Variants in SLCO1C1 observed in about 807,000 individuals in gnomAD.
SLCO1C1 encodes the protein OAT-RP-5.
SLCO1C1 carries 70 observed loss-of-function variants against 76.4 expected under a neutral mutation model. The observed-to-expected ratio is 0.92, with a 90% confidence interval of 0.76 to 1.12. The LOEUF is 1.12. Among genes scored for constraint, SLCO1C1 ranks in the 50% most tolerant of loss-of-function variants. SLCO1C1 has a pLI of 0.00. For synonymous variants in SLCO1C1, 306 were observed against 286.1 expected, an observed-to-expected ratio of 1.07 and a Z score of -0.70; for missense variants, 912 against 823.8, an observed-to-expected ratio of 1.11 and a Z score of -1.31.
At chr12:20,734,016 T>A (rs1476953214) in intron 10 of SLCO1C1, among the ~76,000 whole-genome samples, 1 of 152,166 alleles carries the variant, frequency 6.6e-6, no homozygotes, top group Non-Finnish European at 1.5e-5. Context: ...CCTTCCCAAC[T>A]GTATCTGCCT....
At chr12:20,750,134 C>T (rs555513645) in intron 13 of SLCO1C1, among the ~76,000 whole-genome samples, 1 of 152,292 alleles carries the variant, frequency 6.6e-6, no homozygotes, top group East Asian at 1.9e-4. Flanking sequence ...CTACTTAATT[C>T]AGTGATGCAA....
intron 5 of SLCO1C1, among the ~76,000 whole-genome samples, chr12:20,714,824 A>G (rs1947287373): frequency 1.3e-5 from 2 of 152,180 alleles, no homozygotes; most frequent in African/African-American, 4.8e-5. Context: ...TAGATACTGA[A>G]TGTCATTGTA....
chr12:20,697,391 C>T (rs1234265592), intron 1 of SLCO1C1: 1 of 151,968 alleles, frequency 6.6e-6, no homozygotes, highest in East Asian at 1.9e-4. Context: ...ATATCTCTTG[C>T]TTGGCAATAT....
At chr12:20,701,699 G>T (rs559996283) in intron 3 of SLCO1C1, among the ~76,000 whole-genome samples, 28 of 151,494 alleles carry the variant, frequency 1.8e-4, no homozygotes, top group African/African-American at 6.5e-4. Context: ...ACAATTCAGA[G>T]TTCTACATCA....
At chr12:20,734,723 A>G (rs1948463349) in intron 10 of SLCO1C1, among the ~76,000 whole-genome samples, 1 of 152,212 alleles carries the variant, frequency 6.6e-6, no homozygotes, top group South Asian at 2.1e-4. Flanking sequence ...AAGTATTCCT[A>G]CATAATCAAA....
At chr12:20,721,637 C>T (rs1462630035) in intron 7 of SLCO1C1, among the ~76,000 whole-genome samples, 167 bp from the exon 8 acceptor site, 1 of 150,802 alleles carries the variant, frequency 6.6e-6, no homozygotes, top group African/African-American at 2.4e-5. Flanking sequence ...TGCAAAATCT[C>T]CAAGGTATGC....
At chr12:20,708,736 G>C (rs1377312064) in intron 4 of SLCO1C1, among the ~76,000 whole-genome samples, 1 of 152,172 alleles carries the variant, frequency 6.6e-6, no homozygotes, top group African/African-American at 2.4e-5. Flanking sequence ...AGAAAGCACA[G>C]AAGATGAATG....
intron 1 of SLCO1C1, among the ~76,000 whole-genome samples, chr12:20,696,069 T>C (rs969675282): frequency 5.9e-5 from 9 of 152,152 alleles, no homozygotes; most frequent in African/African-American, 2.2e-4. Flanking sequence ...TTGGGCCATC[T>C]AATTTAAAAA....
intron 9 of SLCO1C1, among the ~76,000 whole-genome samples, chr12:20,723,532 G>A (rs548793895): frequency 5.3e-5 from 8 of 152,168 alleles, no homozygotes; most frequent in East Asian, 1.9e-4. Flanking sequence ...AAGTGCAGCC[G>A]AAACCTCAAA....
At chr12:20,733,733 G>A (rs1421979290) in intron 10 of SLCO1C1, among the ~76,000 whole-genome samples, 1 of 152,154 alleles carries the variant, frequency 6.6e-6, no homozygotes, top group East Asian at 1.9e-4. Context: ...CTTTAGCTGA[G>A]TGTCTTGCAA....
At chr12:20,738,761 T>C (rs1312527856) in intron 11 of SLCO1C1, among the ~76,000 whole-genome samples, 1 of 152,172 alleles carries the variant, frequency 6.6e-6, no homozygotes, top group Non-Finnish European at 1.5e-5. Context: ...AAGAACAAAA[T>C]TACATTTAAA....
chr12:20,714,944 T>C (rs1271133887), intron 5 of SLCO1C1, among the ~76,000 whole-genome samples, 195 bp from the exon 6 acceptor site: 1 of 152,192 alleles, frequency 6.6e-6, no homozygotes, highest in African/African-American at 2.4e-5. Context: ...TGAAGTCTCT[T>C]GGGGATTTAC....
At chr12:20,732,657 CAGAA>C (rs1948342506) in intron 9 of SLCO1C1, among the ~76,000 whole-genome samples, 1 of 152,156 alleles carries the variant, frequency 6.6e-6, no homozygotes, top group South Asian at 2.1e-4. Context: ...CCAGAAAGAC[CAGAA>C]AGATTTATTG....
Position 20,737,269 on chromosome 12 carries a change from T to TACA in SLCO1C1, c.1546_1547insCAA (p.Asn515_Ile516insThr). 6.4e-7 allele frequency: 1 copy of TACA among 1,554,548 alleles called. No homozygotes were observed. Among genetic ancestry groups the TACA allele is most frequent in the Non-Finnish European group, 8.6e-7 (1 of 1,159,326 alleles). Reference sequence around the variant, plus strand: ...AAACCTCCAACAGGAGTGGAAAAAATATTGTAAGAAATCACCTCTCAAGTA... The same window carrying TACA: ...AAACCTCCAACAGGAGTGGAAAAAATACAATTGTAAGAAATCACCTCTCAAGTA... On this transcript the variant is annotated inframe_insertion, in exon 11 of 15. Transcript: ENST00000266509.
chr12:20,752,010 C>T (rs1949330257), intron 14 of SLCO1C1, among the ~76,000 whole-genome samples: 1 of 152,088 alleles, frequency 6.6e-6, no homozygotes. Flanking sequence ...CTAGCATAAA[C>T]TGGGGCTGTT....
Position 20,748,645 on chromosome 12 carries a change from CCTTTCTTTAT to C in SLCO1C1, c.1799-2027_1799-2018del, listed in dbSNP as rs1949157309. Among the ~76,000 whole-genome samples, 3 of 151,948 alleles carry C rather than the reference CCTTTCTTTAT, an allele frequency of 2.0e-5. No individual in the cohort carries two copies. The South Asian group carries it at 6.2e-4, about 32-fold the overall frequency. On this transcript the variant is annotated intron_variant, in intron 13 of 14. Coordinates refer to ENST00000266509, the MANE Select transcript of SLCO1C1 (RefSeq NM_017435.5). ...AAAGACCACATATTGCATTTAGTTA[CCTTTCTTTAT>C]CTCCAAAAATTCCTCATTCTTATTT...
At chr12:20,705,809 A>T in intron 3 of SLCO1C1, 140 bp from the exon 4 acceptor site, 1 of 751,920 alleles carries the variant, frequency 1.3e-6, no homozygotes, top group Non-Finnish European at 2.1e-6. Flanking sequence ...ATCTCAGATT[A>T]AAGGAAAAAA....
intron 3 of SLCO1C1, among the ~76,000 whole-genome samples, chr12:20,703,265 G>A (rs537038534): frequency 3.6e-4 from 55 of 151,732 alleles, no homozygotes; most frequent in Non-Finnish European, 6.3e-4. Context: ...ATCATCCTCC[G>A]TCTTTATGTT....
intron 3 of SLCO1C1, among the ~76,000 whole-genome samples, chr12:20,704,088 C>T (rs1022782617): frequency 1.2e-4 from 18 of 150,854 alleles, no homozygotes; most frequent in African/African-American, 4.4e-4. Context: ...TTGTGAGAGG[C>T]TAATGATGGT....
Sources: allele counts gnomAD v4.1 joint callset (sites outside exome capture counted in the v4.1 genomes callset), GRCh38; gene constraint gnomAD v4.1.1; transcripts MANE v1.5; gene names NCBI Gene and HGNC (gene_info 2026-07-23, HGNC 2026-07-21).